The following CDH13 variants were observed in gnomAD, a reference collection of about 807,000 sequenced individuals.
CDH13 encodes cadherin-13.
A neutral mutation model predicts 63.8 loss-of-function variants in CDH13; 24 were observed. That is an observed-to-expected ratio of 0.38 (90% CI 0.27 to 0.53). The LOEUF is 0.53. Ranked by LOEUF, CDH13 falls within the 20% of genes least tolerant of loss-of-function variation. The pLI is 0.85. For missense variants in CDH13, 1,049 were observed against 903.1 expected, an observed-to-expected ratio of 1.16 and a Z score of -2.07; for synonymous variants, 503 against 355.3, an observed-to-expected ratio of 1.42 and a Z score of -4.67.
intron 1 of CDH13, among the ~76,000 whole-genome samples, chr16:82,720,816 G>C (rs2032724521): frequency 6.6e-6 from 1 of 152,214 alleles, no homozygotes; most frequent in Non-Finnish European, 1.5e-5. Context: ...AGTTGGCATT[G>C]CTACAAGTCA....
chr16:82,824,880 C>T (rs1304476609), intron 1 of CDH13: 1 of 152,164 alleles, frequency 6.6e-6, no homozygotes, highest in African/African-American at 2.4e-5. Flanking sequence ...TTTAGAAATT[C>T]TCATTAGTAT....
At chr16:83,569,953 T>C (rs971663252) in intron 7 of CDH13, among the ~76,000 whole-genome samples, 8 of 152,162 alleles carry the variant, frequency 5.3e-5, no homozygotes, top group Non-Finnish European at 8.8e-5. Flanking sequence ...GCCAGGTTGG[T>C]CTCGAACTCC....
intron 2 of CDH13, among the ~76,000 whole-genome samples, chr16:82,920,625 C>A (rs72790129): frequency 0.033 from 4,968 of 152,250 alleles, 103 homozygotes; most frequent in Middle Eastern, 0.082. Flanking sequence ...ACTGCAGGCC[C>A]CACTGTGGAT....
intron 6 of CDH13, among the ~76,000 whole-genome samples, chr16:83,353,643 T>C (rs750165877): frequency 6.6e-6 from 1 of 152,280 alleles, no homozygotes; most frequent in African/African-American, 2.4e-5. Flanking sequence ...TCTCTGGGGC[T>C]GGAGATCAGC....
At chr16:83,435,060 T>C (rs1484363321) in intron 6 of CDH13, among the ~76,000 whole-genome samples, 1 of 149,218 alleles carries the variant, frequency 6.7e-6, no homozygotes. Context: ...GAGAGAGATA[T>C]CGAGAGAGTT....
intron 5 of CDH13, among the ~76,000 whole-genome samples, chr16:83,323,016 C>T (rs1299525071): frequency 6.6e-6 from 1 of 151,876 alleles, no homozygotes; most frequent in African/African-American, 2.4e-5. Flanking sequence ...TGATTGGCCC[C>T]CTACCCTGTA....
intron 11 of CDH13, chr16:83,772,953 GAAAC>G (rs1374155036): frequency 3.3e-5 from 5 of 152,224 alleles, no homozygotes; most frequent in Non-Finnish European, 7.3e-5. Flanking sequence ...TAACTCTGCT[GAAAC>G]AAACAATGGG....
At chr16:83,327,669 A>C (rs2090394712) in intron 5 of CDH13, among the ~76,000 whole-genome samples, 1 of 152,232 alleles carries the variant, frequency 6.6e-6, no homozygotes, top group South Asian at 2.1e-4. Flanking sequence ...GGTTGGGATT[A>C]AGGATGAGTA....
At chr16:82,734,537 A>G (rs1249909904) in intron 1 of CDH13, among the ~76,000 whole-genome samples, 2 of 152,132 alleles carry the variant, frequency 1.3e-5, no homozygotes, top group Non-Finnish European at 2.9e-5. Context: ...GCAGAGTGTT[A>G]ACAGGAGGAC....
intron 4 of CDH13, among the ~76,000 whole-genome samples, chr16:83,170,794 G>A (rs1487292725): frequency 6.6e-6 from 1 of 152,098 alleles, no homozygotes; most frequent in Non-Finnish European, 1.5e-5. Flanking sequence ...TATGGGAGAT[G>A]TAGGCATGTG....
At chr16:83,376,883 C>T (rs1212396513) in intron 6 of CDH13, among the ~76,000 whole-genome samples, 1 of 152,118 alleles carries the variant, frequency 6.6e-6, no homozygotes, top group Non-Finnish European at 1.5e-5. Context: ...TTTACTGTCT[C>T]TTGCAACGTT....
chr16:83,021,476 C>G (rs76882202), intron 2 of CDH13, among the ~76,000 whole-genome samples: 6,693 of 152,234 alleles, frequency 0.044, 232 homozygotes, highest in East Asian at 0.14. Flanking sequence ...TCAAAGCTAA[C>G]GGCTCAGTTT....
chr16:82,965,838 C>G (rs1366721193), intron 2 of CDH13, among the ~76,000 whole-genome samples: 1 of 152,172 alleles, frequency 6.6e-6, no homozygotes, highest in Non-Finnish European at 1.5e-5. Flanking sequence ...AGTATTAGCC[C>G]ACTGGTTTAC....
intron 1 of CDH13, among the ~76,000 whole-genome samples, chr16:82,638,823 T>TGTGTGTGCGCGC (rs139451683): frequency 6.6e-6 from 1 of 150,790 alleles, no homozygotes; most frequent in Non-Finnish European, 1.5e-5. Flanking sequence ...GGGCAGTGTG[T>TGTGTGTGCGCGC]GCGTGTGTGC....
chr16:83,466,191 G>C (rs1185351043), intron 6 of CDH13, among the ~76,000 whole-genome samples: 1 of 152,186 alleles, frequency 6.6e-6, no homozygotes, highest in Non-Finnish European at 1.5e-5. Context: ...TAAGCATGAA[G>C]TCATTCAAAA....
At chr16:83,524,192 G>A (rs1372300402) in intron 7 of CDH13, among the ~76,000 whole-genome samples, 2 of 152,130 alleles carry the variant, frequency 1.3e-5, no homozygotes, top group Non-Finnish European at 2.9e-5. Context: ...AAGAGAATTT[G>A]CAGTTAAGAG....
intron 2 of CDH13, among the ~76,000 whole-genome samples, chr16:82,931,585 A>G (rs2151295797): frequency 6.6e-6 from 1 of 151,354 alleles, no homozygotes; most frequent in South Asian, 2.1e-4. Context: ...TGCTGCTGAT[A>G]AAGACATACC....
At chr16:83,213,192 G>A (rs1164976639) in intron 4 of CDH13, among the ~76,000 whole-genome samples, 2 of 152,160 alleles carry the variant, frequency 1.3e-5, no homozygotes, top group African/African-American at 4.8e-5. Context: ...AGCAGCAGGA[G>A]CCAACTCAGC....
chr16:83,057,287 A>G (rs1041575949), intron 3 of CDH13, among the ~76,000 whole-genome samples: 1 of 152,138 alleles, frequency 6.6e-6, no homozygotes, highest in African/African-American at 2.4e-5. Context: ...TTTATTAGCA[A>G]CCTGAGAACA....
Sources: allele counts gnomAD v4.1 joint callset (sites outside exome capture counted in the v4.1 genomes callset), GRCh38; gene constraint gnomAD v4.1.1; transcripts MANE v1.5; gene names NCBI Gene and HGNC (gene_info 2026-07-23, HGNC 2026-07-21).